The following SMG6 variants were observed in gnomAD, a reference collection of about 807,000 sequenced individuals.
The protein encoded by SMG6 is telomerase-binding protein EST1A.
SMG6 carries 66 observed loss-of-function variants against 142.2 expected under a neutral mutation model. The observed-to-expected ratio is 0.46, with a 90% CI of 0.38 to 0.57. SMG6 has a LOEUF of 0.57. Ranked by LOEUF, SMG6 falls within the 20% of genes least tolerant of loss-of-function variation. The pLI is 0.00. For synonymous variants in SMG6, 779 were observed against 702.4 expected (o/e 1.11, Z -1.72); for missense variants, 1,793 against 1,832.0 (o/e 0.98, Z 0.39).
chr17:2,159,839 C>T (rs1011342485), intron 13 of SMG6, among the ~76,000 whole-genome samples: 11 of 152,180 alleles, frequency 7.2e-5, no homozygotes, highest in Admixed American at 3.9e-4. Context: ...CATCAATAAA[C>T]GACTGAAAAA....
intron 13 of SMG6, among the ~76,000 whole-genome samples, chr17:2,167,568 A>G (rs2071380156): frequency 6.6e-6 from 1 of 152,244 alleles, no homozygotes; most frequent in Admixed American, 6.5e-5. Flanking sequence ...TACCAGCTCA[A>G]CAAAACTCAA....
chr17:2,070,087 C>G (rs1323069638), intron 15 of SMG6, among the ~76,000 whole-genome samples: 3 of 152,250 alleles, frequency 2.0e-5, no homozygotes, highest in African/African-American at 7.2e-5. Flanking sequence ...TAGCACCTCT[C>G]ACCAAGCACG....
chr17:2,149,349 C>CAA (rs1178295829), intron 13 of SMG6, among the ~76,000 whole-genome samples: 2,437 of 70,202 alleles, frequency 0.035, 131 homozygotes, highest in African/African-American at 0.072. Flanking sequence ...GATTCCCCCT[C>CAA]AAAAAAAAAA....
chr17:2,298,382 T>C (rs2151411836), intron 2 of SMG6, among the ~76,000 whole-genome samples: 1 of 152,278 alleles, frequency 6.6e-6, no homozygotes, highest in African/African-American at 2.4e-5. Context: ...CCCTTAAAGA[T>C]AATTTTTTCT....
At chr17:2,277,153 A>ATTTT (rs1567740157) in intron 8 of SMG6, among the ~76,000 whole-genome samples, 4 of 83,448 alleles carry the variant, frequency 4.8e-5, no homozygotes, top group African/African-American at 1.6e-4. Flanking sequence ...TTATTTATTT[A>ATTTT]TTTATTTATT....
At chr17:2,213,089 G>A (rs1203319116) in intron 10 of SMG6, among the ~76,000 whole-genome samples, 2 of 152,156 alleles carry the variant, frequency 1.3e-5, no homozygotes, top group Admixed American at 1.3e-4. Context: ...TCATAAATAG[G>A]ATCCATCCCT....
intron 13 of SMG6, among the ~76,000 whole-genome samples, chr17:2,143,121 T>C (rs1219323552): frequency 6.6e-6 from 1 of 152,144 alleles, no homozygotes; most frequent in Non-Finnish European, 1.5e-5. Flanking sequence ...TTGCTGCTAG[T>C]GAGAATGTAA....
At chr17:2,147,873 A>G (rs940318353) in intron 13 of SMG6, among the ~76,000 whole-genome samples, 1 of 152,188 alleles carries the variant, frequency 6.6e-6, no homozygotes, top group Non-Finnish European at 1.5e-5. Context: ...GCCGCTGTGG[A>G]AAATGTATGA....
At chr17:2,214,473 G>T (rs575090064) in intron 10 of SMG6, 56 of 152,278 alleles carry the variant, frequency 3.7e-4, no homozygotes, top group African/African-American at 1.3e-3. Flanking sequence ...TCTCGGCTGT[G>T]CCCCGTATCT....
At chr17:2,117,741 A>G (rs2069551579) in intron 13 of SMG6, 1 of 152,218 alleles carries the variant, frequency 6.6e-6, no homozygotes. Context: ...TAAGGATTCT[A>G]GCGTTTGTCG....
chr17:2,196,420 T>TTA (rs2072328816), intron 10 of SMG6, among the ~76,000 whole-genome samples: 1 of 152,078 alleles, frequency 6.6e-6, no homozygotes, highest in Non-Finnish European at 1.5e-5. Flanking sequence ...AAACTCTGTC[T>TTA]CAAAAAAACA....
chr17:2,065,830 A>T, intron 16 of SMG6, 151 bp from the exon 17 acceptor site: 1 of 673,762 alleles, frequency 1.5e-6, no homozygotes, highest in Non-Finnish European at 2.5e-6. Context: ...GCCGGAGGGG[A>T]GCTTGTGGGG....
rs57316349 is a variant in SMG6, at chr17:2,144,049, C to CT, written c.3357+28608dup. ...CTATAAGTGCATGCCACCACGGCCGCTTTTTTTTTTTTTTTTTTTTTTTTT... is the reference window on the plus strand; with the variant it reads ...CTATAAGTGCATGCCACCACGGCCGCTTTTTTTTTTTTTTTTTTTTTTTTTT... On this transcript the variant is annotated intron_variant, in intron 13 of 18. Coordinates refer to ENST00000263073, the MANE Select transcript of SMG6 (RefSeq NM_017575.5). Among the ~76,000 whole-genome samples the CT allele has an allele frequency of 3.7e-3, 244 of 65,098 alleles. 14 individuals carry two copies. The highest frequency in any genetic ancestry group is 8.3e-3 in the South Asian group (13 of 1,558). 42.7% of individuals were successfully genotyped at this position (65,098 alleles called of 152,430 possible).
chr17:2,140,156 A>G (rs1180426381), intron 13 of SMG6, among the ~76,000 whole-genome samples: 1 of 151,156 alleles, frequency 6.6e-6, no homozygotes, highest in African/African-American at 2.4e-5. Flanking sequence ...TCCGCCTCCC[A>G]GGCTCCAGTG....
chr17:2,291,485 C>T (rs956924282), intron 6 of SMG6, among the ~76,000 whole-genome samples: 1 of 151,576 alleles, frequency 6.6e-6, no homozygotes, highest in Admixed American at 6.6e-5. Flanking sequence ...GCAAAGAGGG[C>T]GGGAAAAAAA....
At chr17:2,149,278 A>G in intron 13 of SMG6, among the ~76,000 whole-genome samples, 1 of 131,606 alleles carries the variant, frequency 7.6e-6, no homozygotes, top group Non-Finnish European at 1.6e-5. Context: ...TGAACCCAGG[A>G]GGCAGAGGCT....
chr17:2,212,642 C>G (rs1000832309), intron 10 of SMG6: 1 of 152,276 alleles, frequency 6.6e-6, no homozygotes, highest in African/African-American at 2.4e-5. Flanking sequence ...TCAGTTACAT[C>G]AGGCACCAAC....
At chr17:2,092,085 A>G (rs113929063) in intron 13 of SMG6, among the ~76,000 whole-genome samples, 2,787 of 151,882 alleles carry the variant, frequency 0.018, 94 homozygotes, top group African/African-American at 0.065. Flanking sequence ...TCCCGGGTTG[A>G]AGCGATTCTC....
intron 13 of SMG6, among the ~76,000 whole-genome samples, chr17:2,120,038 C>A (rs2069637773): frequency 1.3e-5 from 2 of 151,894 alleles, no homozygotes; most frequent in South Asian, 2.1e-4. Flanking sequence ...GAACTCCTGG[C>A]CTCAAGCGAT....
Sources: allele counts gnomAD v4.1 joint callset (sites outside exome capture counted in the v4.1 genomes callset), GRCh38; gene constraint gnomAD v4.1.1; transcripts MANE v1.5; gene names NCBI Gene and HGNC (gene_info 2026-07-23, HGNC 2026-07-21).